The following CTNNA2 variants were observed in gnomAD, a reference collection of about 807,000 sequenced individuals.
CTNNA2 encodes catenin alpha 2, also known as catenin alpha-2.
Under a neutral mutation model 101.0 loss-of-function variants are expected in CTNNA2, and 42 were observed. That is an observed-to-expected ratio of 0.42 (90% CI 0.32 to 0.54). The LOEUF (loss-of-function observed/expected upper bound fraction) is 0.54, where lower values mean the gene tolerates loss of function less well. Among genes scored for constraint, CTNNA2 ranks in the 20% least tolerant of loss-of-function variants. The probability of loss-of-function intolerance (pLI) is 0.14; values close to 1 mark genes in which losing one functional copy is unlikely to be tolerated. For missense variants in CTNNA2, 871 were observed against 1,223.1 expected, an observed-to-expected ratio of 0.71 and a Z score of 4.29; for synonymous variants, 450 against 456.4, an observed-to-expected ratio of 0.99 and a Z score of 0.18.
chr2:80,617,894 C>T (rs952014163), intron 17 of CTNNA2, among the ~76,000 whole-genome samples: 1 of 151,686 alleles, frequency 6.6e-6, no homozygotes, highest in Admixed American at 6.6e-5. Context: ...TTTATGATGC[C>T]ATAATTTGCA....
chr2:80,589,857 CCT>C (rs1339964061), intron 15 of CTNNA2, among the ~76,000 whole-genome samples: 22 of 115,968 alleles, frequency 1.9e-4, no homozygotes, highest in Admixed American at 1.1e-3. Flanking sequence ...AAAATATGTA[CCT>C]CTGTGTGTGT....
intron 9 of CTNNA2, among the ~76,000 whole-genome samples, chr2:80,488,966 T>C (rs928775215): frequency 5.3e-5 from 8 of 152,308 alleles, no homozygotes; most frequent in Admixed American, 6.5e-5. Context: ...TAGTTTTCTT[T>C]GTTGGATGCA....
At chr2:79,334,231 C>G (rs1037582304) in intron 3 of CTNNA2, among the ~76,000 whole-genome samples, 2 of 152,140 alleles carry the variant, frequency 1.3e-5, no homozygotes, top group African/African-American at 4.8e-5. Context: ...TTAAGCTATC[C>G]TTTTGAGAAG....
chr2:80,044,240 A>G (rs911936939), intron 7 of CTNNA2, among the ~76,000 whole-genome samples: 1 of 152,230 alleles, frequency 6.6e-6, no homozygotes, highest in African/African-American at 2.4e-5. Context: ...GAAAGATAAC[A>G]TAGCCGCACA....
In CTNNA2 at chr2:79,305,701, A is replaced by G. The variant is rs540854080; in HGVS notation, c.-405-7008A>G. On this transcript the variant is annotated intron_variant, in intron 2 of 21. Transcript: ENST00000466387. Reference sequence around the variant, plus strand: ...TATAGGTTAACATAGATCAATCTATAGATAGATAGAAATTTAGAACATTTC... The same window carrying G: ...TATAGGTTAACATAGATCAATCTATGGATAGATAGAAATTTAGAACATTTC... Among the ~76,000 whole-genome samples the G allele has an allele frequency of 3.5e-4, 54 of 152,242 alleles. 1 individual carries two copies. Among genetic ancestry groups the G allele is most frequent in the African/African-American group, 1.3e-3 (52 of 41,538 alleles).
intron 9 of CTNNA2, among the ~76,000 whole-genome samples, chr2:80,434,148 G>A (rs1681805994): frequency 6.6e-6 from 1 of 152,182 alleles, no homozygotes; most frequent in South Asian, 2.1e-4. Flanking sequence ...AAGCATCAAA[G>A]CTAATATTTC....
At chr2:80,208,694 T>G (rs768882730) in intron 7 of CTNNA2, among the ~76,000 whole-genome samples, 5 of 152,194 alleles carry the variant, frequency 3.3e-5, no homozygotes, top group Non-Finnish European at 7.3e-5. Flanking sequence ...AGCTATATGA[T>G]TTGTTCTTCA....
chr2:79,646,311 C>A (rs1283376890), intron 1 of CTNNA2, among the ~76,000 whole-genome samples: 2 of 152,128 alleles, frequency 1.3e-5, no homozygotes, highest in East Asian at 3.9e-4. Context: ...GCCCCTTAAC[C>A]CTTGGCTGCT....
chr2:79,566,088 A>G (rs1675095899), intron 1 of CTNNA2, among the ~76,000 whole-genome samples: 1 of 152,098 alleles, frequency 6.6e-6, no homozygotes. Context: ...GTGCCAGATA[A>G]TACAGAAGAA....
At chr2:80,316,912 G>A (rs918283080) in intron 7 of CTNNA2, among the ~76,000 whole-genome samples, 1 of 152,106 alleles carries the variant, frequency 6.6e-6, no homozygotes, top group Non-Finnish European at 1.5e-5. Flanking sequence ...ACTGATAAAG[G>A]GAAAATTAAA....
chr2:79,753,732 G>A lies in CTNNA2; in HGVS notation c.298+9150G>A, dbSNP rs570052194. Among the ~76,000 whole-genome samples, 3 of 152,248 alleles carry A rather than the reference G, an allele frequency of 2.0e-5. No homozygotes were observed. In the East Asian group the frequency reaches 5.8e-4, roughly 29 times the overall value. On this transcript the variant is annotated intron_variant, in intron 3 of 18. Transcript: ENST00000402739. ...AGATGAAAGAAGAAGCTTCTTCATG[G>A]GACCATTTCCTAAATGAAAGTGATG...
intron 7 of CTNNA2, among the ~76,000 whole-genome samples, chr2:80,391,076 G>A (rs1353493543): frequency 2.0e-5 from 3 of 150,726 alleles, no homozygotes. Flanking sequence ...AGGTTGCAGT[G>A]AGCTGAGATT....
intron 7 of CTNNA2, among the ~76,000 whole-genome samples, chr2:80,264,304 T>C (rs1276939771): frequency 6.6e-6 from 1 of 152,088 alleles, no homozygotes; most frequent in African/African-American, 2.4e-5. Flanking sequence ...CAAATAGTAA[T>C]TGCATTTTCC....
At chr2:80,428,163 A>C (rs1441826768) in intron 9 of CTNNA2, among the ~76,000 whole-genome samples, 1 of 152,210 alleles carries the variant, frequency 6.6e-6, no homozygotes, top group Non-Finnish European at 1.5e-5. Flanking sequence ...GGTAGAAAAC[A>C]AAGAGACCAG....
intron 2 of CTNNA2, among the ~76,000 whole-genome samples, chr2:79,658,098 A>T (rs1307405447): frequency 2.6e-5 from 4 of 151,986 alleles, no homozygotes; most frequent in Non-Finnish European, 5.9e-5. Flanking sequence ...TAATTGAAAA[A>T]TTATAAGGTC....
At chr2:79,541,589 T>A (rs1390716975) in intron 1 of CTNNA2, among the ~76,000 whole-genome samples, 1 of 151,794 alleles carries the variant, frequency 6.6e-6, no homozygotes, top group Non-Finnish European at 1.5e-5. Flanking sequence ...GTGTCTCAGC[T>A]TATTAGAACA....
At chr2:79,627,314 C>T (rs569725430) in intron 1 of CTNNA2, among the ~76,000 whole-genome samples, 23 of 152,284 alleles carry the variant, frequency 1.5e-4, no homozygotes, top group Admixed American at 7.2e-4. Context: ...AGTACGAATC[C>T]AGGGAGTGAA....
chr2:79,910,349 C>G (rs1249702086), intron 7 of CTNNA2, among the ~76,000 whole-genome samples: 1 of 152,140 alleles, frequency 6.6e-6, no homozygotes, highest in Non-Finnish European at 1.5e-5. Context: ...CTTAAGTTTT[C>G]AAATAGGTAT....
At chr2:80,286,148 A>G (rs1174654846) in intron 7 of CTNNA2, among the ~76,000 whole-genome samples, 1 of 152,100 alleles carries the variant, frequency 6.6e-6, no homozygotes, top group Non-Finnish European at 1.5e-5. Context: ...TGCAGGCAGA[A>G]TTGCTGCTTT....
Sources: gnomAD v4.1 joint callset for allele counts (sites outside exome capture counted in the v4.1 genomes callset) on GRCh38, gnomAD v4.1.1 for gene constraint, MANE v1.5 for transcripts, NCBI Gene and HGNC (gene_info 2026-07-23, HGNC 2026-07-21) for gene names.